Variants in MEF2A observed in about 807,000 individuals in gnomAD.
MEF2A encodes myocyte enhancer factor 2A.
MEF2A carries 28 observed loss-of-function variants against 55.8 expected under a neutral mutation model. That is an observed-to-expected ratio of 0.50 (90% CI 0.37 to 0.69). The LOEUF is 0.69. Ranked by LOEUF, MEF2A falls within the 30% of genes least tolerant of loss-of-function variation. MEF2A has a pLI of 0.00. For synonymous variants in MEF2A, 239 were observed against 227.1 expected (o/e 1.05, Z -0.47); for missense variants, 528 against 626.2 (o/e 0.84, Z 1.67).
chr15:99,675,286 T>A lies in MEF2A; in HGVS notation c.611-113T>A, dbSNP rs191843365. ...GACTGAGCTAGTTTTTATTTTTGTGTCTTTTTAGGATTAGAGTGAGAGTTA... is the reference window on the plus strand; with the variant it reads ...GACTGAGCTAGTTTTTATTTTTGTGACTTTTTAGGATTAGAGTGAGAGTTA... On this transcript the variant is annotated intron_variant, in intron 6 of 11. Transcript: ENST00000557942. The A allele has an allele frequency of 9.0e-5, 84 of 928,564 alleles. No homozygotes were observed. In the East Asian group the frequency reaches 1.4e-3, roughly 16 times the overall value. 57.5% of individuals were successfully genotyped at this position (928,564 alleles called of 1,614,324 possible).
chr15:99,643,234 C>G (rs2045341200), intron 3 of MEF2A, among the ~76,000 whole-genome samples: 1 of 152,128 alleles, frequency 6.6e-6, no homozygotes, highest in African/African-American at 2.4e-5. Context: ...TAACACTCTA[C>G]TAATTAGTTG....
intron 9 of MEF2A, among the ~76,000 whole-genome samples, chr15:99,703,618 A>G (rs1454520876): frequency 2.0e-5 from 3 of 152,102 alleles, no homozygotes; most frequent in Non-Finnish European, 4.4e-5. Flanking sequence ...GAGCCTTTAA[A>G]AACAGTAGCT....
At chr15:99,699,670 T>C (rs1177768335) in intron 8 of MEF2A, among the ~76,000 whole-genome samples, 1 of 152,152 alleles carries the variant, frequency 6.6e-6, no homozygotes, top group Admixed American at 6.5e-5. Flanking sequence ...TCTAAGTAAC[T>C]TTGGAAACTT....
At chr15:99,672,517 G>T (rs746398698) in intron 5 of MEF2A, among the ~76,000 whole-genome samples, 1 of 152,156 alleles carries the variant, frequency 6.6e-6, no homozygotes, top group Non-Finnish European at 1.5e-5. Flanking sequence ...TAGGTCAGCC[G>T]CCCTTGAACA....
At chr15:99,644,474 A>C (rs1327863134) in intron 3 of MEF2A, among the ~76,000 whole-genome samples, 1 of 152,196 alleles carries the variant, frequency 6.6e-6, no homozygotes, top group Non-Finnish European at 1.5e-5. Context: ...CCGTGAAAAA[A>C]ATTTCTAGTG....
At chr15:99,597,611 C>T (rs929994041) in intron 1 of MEF2A, among the ~76,000 whole-genome samples, 4 of 152,088 alleles carry the variant, frequency 2.6e-5, no homozygotes, top group African/African-American at 4.8e-5. Context: ...CACACCTATT[C>T]GCACACTCCC....
chr15:99,689,910 C>G (rs1386745741), intron 7 of MEF2A, among the ~76,000 whole-genome samples: 1 of 152,114 alleles, frequency 6.6e-6, no homozygotes, highest in Non-Finnish European at 1.5e-5. Context: ...TAAGATATCC[C>G]AAGGTACTTC....
intron 8 of MEF2A, among the ~76,000 whole-genome samples, chr15:99,693,577 G>A (rs539027489): frequency 6.6e-6 from 1 of 152,222 alleles, no homozygotes; most frequent in Non-Finnish European, 1.5e-5. Context: ...AACTATTCAA[G>A]CGAGAAAAAG....
At chr15:99,597,203 T>C (rs1240469864) in intron 1 of MEF2A, among the ~76,000 whole-genome samples, 1 of 152,096 alleles carries the variant, frequency 6.6e-6, no homozygotes, top group East Asian at 1.9e-4. Flanking sequence ...CAAAAGCAAA[T>C]GGGAGAAATA....
chr15:99,568,258 A>G (rs2152683111), intron 1 of MEF2A, among the ~76,000 whole-genome samples: 1 of 152,316 alleles, frequency 6.6e-6, no homozygotes, highest in Admixed American at 6.5e-5. Context: ...CACCATGTTG[A>G]ATTATGGTTT....
rs571138739 is a variant in MEF2A, at chr15:99,712,724, G to A, written c.1471G>A (p.Glu491Lys). 1.9e-6 allele frequency: 3 copies of A among 1,564,882 alleles called. No homozygotes were observed. Among genetic ancestry groups the A allele is most frequent in the Non-Finnish European group, 2.6e-6 (3 of 1,154,526 alleles). Residue 491 changes from glutamate to lysine, a missense_variant, in exon 12 of 12, where the codon GAA (glutamate) becomes AAA (lysine). Coordinates refer to ENST00000557942, the MANE Select transcript of MEF2A (RefSeq NM_001319206.4). This position sits in a 1 kb window ranked among gnomAD's most constrained non-coding sequence, Gnocchi z 4.1. ...LGRPPNTEDR[E>K]SPSVKRMRMD... is the part of the protein sequence containing the mutation. The stretch of plus-strand genomic sequence containing the variant: ...CCGACCCCCAAACACTGAGGACAGA[G>A]AAAGCCCTTCTGTAAAGCGAATGAG...
rs762570947 is a variant in MEF2A at position 99,690,260 on chromosome 15, A to G, written c.690A>G (p.Ser230=). 3.7e-6 allele frequency: 6 copies of G among 1,613,632 alleles called. No individual in the cohort carries two copies. The South Asian group carries it at 5.5e-5, about 15-fold the overall frequency. ...CCCCAGGGAATGGATTTGTAAACTC[A>G]AGAGCTTCTCCAAATTTGATTGGAG... ...SSPVGNGFVN[S]RASPNLIGAT... is the part of the protein sequence containing the mutation. Residue 230 remains serine, a synonymous_variant, in exon 8 of 12, where the codon TCA becomes TCG. Coordinates refer to ENST00000557942, the MANE Select transcript of MEF2A (RefSeq NM_001319206.4).
At chr15:99,685,763 T>A (rs562022628) in intron 7 of MEF2A, among the ~76,000 whole-genome samples, 7 of 152,280 alleles carry the variant, frequency 4.6e-5, no homozygotes, top group African/African-American at 1.7e-4. Flanking sequence ...TGGGTATTGG[T>A]CTGTAGTTTA....
chr15:99,705,175 A>G (rs1359077000), intron 9 of MEF2A, among the ~76,000 whole-genome samples: 1 of 152,230 alleles, frequency 6.6e-6, no homozygotes, highest in Non-Finnish European at 1.5e-5. Flanking sequence ...TGCACTAAAG[A>G]CTGTACTGTT....
intron 8 of MEF2A, among the ~76,000 whole-genome samples, chr15:99,696,109 A>G (rs183091569): frequency 7.2e-5 from 11 of 152,326 alleles, no homozygotes; most frequent in Non-Finnish European, 1.3e-4. Context: ...TTCAAAATAC[A>G]TAAAGTGAAG....
chr15:99,623,381 T>C (rs529460836), intron 2 of MEF2A, among the ~76,000 whole-genome samples: 1 of 152,360 alleles, frequency 6.6e-6, no homozygotes, highest in African/African-American at 2.4e-5. Context: ...TACGGATATC[T>C]GAGTTCCTGC....
At chr15:99,667,519 G>A (rs1285281155) in intron 4 of MEF2A, among the ~76,000 whole-genome samples, 1 of 152,052 alleles carries the variant, frequency 6.6e-6, no homozygotes, top group South Asian at 2.1e-4. Context: ...CACCGCGCCC[G>A]GCCGTAACAT....
At chr15:99,629,722 A>G (rs562914562) in intron 2 of MEF2A, among the ~76,000 whole-genome samples, 42 of 152,208 alleles carry the variant, frequency 2.8e-4, no homozygotes, top group African/African-American at 9.6e-4. Flanking sequence ...TGTTATTTGA[A>G]GAGAAACTTC....
At chr15:99,681,278 A>G (rs1255254959) in intron 7 of MEF2A, among the ~76,000 whole-genome samples, 2 of 152,244 alleles carry the variant, frequency 1.3e-5, no homozygotes, top group Non-Finnish European at 2.9e-5. Context: ...TGGCAGTTAA[A>G]AAGAAGAGAT....
Sources: allele counts gnomAD v4.1 joint callset (sites outside exome capture counted in the v4.1 genomes callset), GRCh38; gene constraint gnomAD v4.1.1; non-coding constraint Gnocchi (gnomAD v3.1); transcripts MANE v1.5; gene names NCBI Gene and HGNC (gene_info 2026-07-23, HGNC 2026-07-21).